TLN2: variants seen among roughly 807,000 people sequenced by gnomAD.
The protein encoded by TLN2 is talin-2.
Under a neutral mutation model 294.7 loss-of-function variants are expected in TLN2, and 118 were observed. The ratio of observed to expected loss-of-function variants is 0.40; its 90% CI spans 0.34 to 0.47. TLN2 has a LOEUF of 0.47. Among genes scored for constraint, TLN2 ranks in the 20% least tolerant of loss-of-function variants. TLN2 has a pLI of 0.84. For missense variants in TLN2, 3,083 were observed against 3,282.2 expected, an observed-to-expected ratio of 0.94 and a Z score of 1.48; for synonymous variants, 1,431 against 1,304.5, an observed-to-expected ratio of 1.10 and a Z score of -2.09.
intron 1 of TLN2, among the ~76,000 whole-genome samples, chr15:62,404,709 G>A (rs909153527): frequency 2.0e-5 from 3 of 151,982 alleles, no homozygotes; most frequent in Non-Finnish European, 4.4e-5. Flanking sequence ...TCTTCCAAGG[G>A]GGGCGTGGAT....
intron 1 of TLN2, among the ~76,000 whole-genome samples, chr15:62,518,399 G>C (rs1255840449): frequency 6.6e-6 from 1 of 152,172 alleles, no homozygotes; most frequent in Non-Finnish European, 1.5e-5. Flanking sequence ...AGTAGGAGGA[G>C]CGTAGGTTTT....
At chr15:62,398,338 G>T (rs1310731646) in intron 1 of TLN2, among the ~76,000 whole-genome samples, 1 of 151,958 alleles carries the variant, frequency 6.6e-6, no homozygotes, top group African/African-American at 2.4e-5. Context: ...CCCCCCAACT[G>T]CCCCCTGCCC....
intron 8 of TLN2, 29 bp from the exon 9 acceptor site, chr15:62,657,742 T>C: frequency 6.2e-7 from 1 of 1,608,762 alleles, no homozygotes. Context: ...CCGAAGCCTC[T>C]GATGCTTTTC....
intron 3 of TLN2, among the ~76,000 whole-genome samples, chr15:62,636,318 T>G (rs192525839): frequency 3.9e-5 from 6 of 152,044 alleles, no homozygotes; most frequent in African/African-American, 1.4e-4. Context: ...AGGTATAAAA[T>G]GGGGGTGACC....
At chr15:62,608,164 G>A (rs1379424334) in intron 2 of TLN2, among the ~76,000 whole-genome samples, 6 of 152,066 alleles carry the variant, frequency 3.9e-5, no homozygotes, top group Non-Finnish European at 8.8e-5. Flanking sequence ...CATTTATTGA[G>A]CATCTACAAA....
intron 52 of TLN2, among the ~76,000 whole-genome samples, chr15:62,815,223 A>T (rs868079579): frequency 9.3e-5 from 13 of 139,530 alleles, no homozygotes; most frequent in Admixed American, 8.5e-4. Context: ...ACACACACAC[A>T]CACACACACT....
chr15:62,575,605 A>AACACACACAC (rs147438095), intron 1 of TLN2, among the ~76,000 whole-genome samples: 3 of 149,990 alleles, frequency 2.0e-5, no homozygotes, highest in Non-Finnish European at 4.5e-5. Context: ...TCACTTAAAA[A>AACACACACAC]ACACACACAC....
intron 1 of TLN2, among the ~76,000 whole-genome samples, chr15:62,579,910 T>G (rs1449683653): frequency 6.6e-6 from 1 of 152,088 alleles, no homozygotes; most frequent in Non-Finnish European, 1.5e-5. Context: ...CTTCCCAGGG[T>G]CAGTTCTAGC....
chr15:62,831,254 T>C (rs1444132447), intron 54 of TLN2: 1 of 151,804 alleles, frequency 6.6e-6, no homozygotes, highest in African/African-American at 2.4e-5. Context: ...ACCCATAGAG[T>C]AGCTGAGGAC....
At chr15:62,791,365 G>GA (rs2065066197) in intron 45 of TLN2, among the ~76,000 whole-genome samples, 2 of 152,080 alleles carry the variant, frequency 1.3e-5, no homozygotes, top group African/African-American at 4.8e-5. Flanking sequence ...AAAAAAAGAA[G>GA]AAAGTGTGTA....
intron 1 of TLN2, among the ~76,000 whole-genome samples, chr15:62,428,708 A>C (rs1482040946): frequency 6.6e-6 from 1 of 152,220 alleles, no homozygotes; most frequent in Non-Finnish European, 1.5e-5. Flanking sequence ...ATTTCTCTAA[A>C]GAGATGGCAT....
At chr15:62,534,194 C>A (rs2041208310) in intron 1 of TLN2, among the ~76,000 whole-genome samples, 1 of 152,100 alleles carries the variant, frequency 6.6e-6, no homozygotes, top group South Asian at 2.1e-4. Context: ...ATTGATTCTC[C>A]TGCAGACACC....
intron 1 of TLN2, among the ~76,000 whole-genome samples, chr15:62,543,495 C>T (rs576502925): frequency 2.0e-5 from 3 of 152,286 alleles, no homozygotes; most frequent in South Asian, 4.1e-4. Context: ...CGCTGGCTCA[C>T]GCCTATAATC....
intron 1 of TLN2, among the ~76,000 whole-genome samples, chr15:62,465,104 G>GTTTT (rs57890839): frequency 7.4e-4 from 63 of 85,512 alleles, no homozygotes; most frequent in Non-Finnish European, 9.9e-4. Context: ...TGGTGAGCGC[G>GTTTT]TTTTTTTTTT....
At chr15:62,442,483 ACT>A (rs1421747085) in intron 1 of TLN2, among the ~76,000 whole-genome samples, 2 of 102,996 alleles carry the variant, frequency 1.9e-5, no homozygotes, top group Admixed American at 1.4e-4. Flanking sequence ...ACAGAGTGAG[ACT>A]CTGTCTCAGA....
chr15:62,646,169 CTT>C (rs5813156), intron 3 of TLN2, among the ~76,000 whole-genome samples: 7 of 148,590 alleles, frequency 4.7e-5, no homozygotes, highest in Non-Finnish European at 6.0e-5. Context: ...TCTTTTCTTT[CTT>C]TTTTTTTTTG....
chr15:62,724,364 A>G (rs1188844218), intron 26 of TLN2, among the ~76,000 whole-genome samples: 1 of 152,238 alleles, frequency 6.6e-6, no homozygotes, highest in Non-Finnish European at 1.5e-5. Flanking sequence ...CTGATCAATA[A>G]TTACACGTTT....
At position 62,565,977 on chromosome 15, in the gene TLN2, A is replaced by G. The variant is rs114570782; in HGVS notation, c.-237-23710A>G. Among the ~76,000 whole-genome samples the G allele has an allele frequency of 3.3e-3, 508 of 151,830 alleles. 2 individuals carry two copies. The highest frequency in any genetic ancestry group is 0.011 in the African/African-American group (473 of 41,356). On this transcript the variant is annotated intron_variant, in intron 1 of 58. Coordinates refer to ENST00000636159, the MANE Select transcript of TLN2 (RefSeq NM_015059.3). The stretch of plus-strand genomic sequence containing the variant: ...AAGCCTCAGTTTCTGCATCTGTAAA[A>G]TGAGGATCATGATACGTCTTAGGGT...
chr15:62,711,784 G>A (rs542644319), intron 21 of TLN2, 127 bp from the exon 22 acceptor site: 1 of 1,037,548 alleles, frequency 9.6e-7, no homozygotes, highest in East Asian at 2.6e-5. Flanking sequence ...TAGGACTAGA[G>A]CATGGAGGTT....
Sources: gnomAD v4.1 joint callset for allele counts (sites outside exome capture counted in the v4.1 genomes callset) on GRCh38, gnomAD v4.1.1 for gene constraint, MANE v1.5 for transcripts, NCBI Gene and HGNC (gene_info 2026-07-23, HGNC 2026-07-21) for gene names.